SUPT3H: variants seen among roughly 807,000 people sequenced by gnomAD.
SUPT3H encodes transcription initiation protein SPT3 homolog.
In SUPT3H, 44 loss-of-function variants were observed where a neutral mutation model predicts 44.3. The ratio of observed to expected loss-of-function variants is 0.99; its 90% CI spans 0.78 to 1.28. The LOEUF is 1.28. Ranked by LOEUF, SUPT3H falls within the 50% of genes most tolerant of loss-of-function variation. SUPT3H has a pLI of 0.00. For missense variants in SUPT3H, 380 were observed against 387.1 expected (o/e 0.98, Z 0.15); for synonymous variants, 124 against 125.6 (o/e 0.99, Z 0.09).
intron 1 of SUPT3H, chr6:45,377,344 C>T (rs952137245): frequency 2.6e-5 from 4 of 152,194 alleles, no homozygotes; most frequent in Non-Finnish European, 5.9e-5. Flanking sequence ...TTTCCTCTTT[C>T]TGGATGCTAC....
intron 6 of SUPT3H, among the ~76,000 whole-genome samples, chr6:44,976,372 T>C (rs1021577527): frequency 3.9e-5 from 6 of 152,082 alleles, no homozygotes; most frequent in Admixed American, 6.6e-5. Context: ...GTCTTTTTTT[T>C]TTTTCTTGAG....
intron 10 of SUPT3H, among the ~76,000 whole-genome samples, chr6:44,851,556 A>G (rs932155219): frequency 1.3e-5 from 2 of 152,346 alleles, no homozygotes; most frequent in Non-Finnish European, 2.9e-5. Flanking sequence ...TTGAAGAGCC[A>G]TCATTGAGTT....
At chr6:45,014,685 G>C (rs1359979633) in intron 5 of SUPT3H, 116 bp downstream of exon 5, 2 of 574,298 alleles carry the variant, frequency 3.5e-6, no homozygotes, top group African/African-American at 3.9e-5. Context: ...CACTTGATTT[G>C]TTGACAGTAA....
At chr6:45,115,320 A>C (rs537740849) in intron 2 of SUPT3H, among the ~76,000 whole-genome samples, 2 of 152,200 alleles carry the variant, frequency 1.3e-5, no homozygotes, top group African/African-American at 4.8e-5. Flanking sequence ...AAAATTATCA[A>C]TATAAAATGG....
At chr6:44,954,652 G>A (rs770333048) in intron 7 of SUPT3H, 45 bp from the exon 8 acceptor site, 4 of 1,197,318 alleles carry the variant, frequency 3.3e-6, no homozygotes, top group Non-Finnish European at 5.0e-6. Flanking sequence ...AATTTTTAAA[G>A]TGTTTTAATA....
chr6:45,002,397 G>C (rs1228654756), intron 6 of SUPT3H, among the ~76,000 whole-genome samples: 2 of 151,754 alleles, frequency 1.3e-5, no homozygotes, highest in East Asian at 1.9e-4. Context: ...AAAGTTACCT[G>C]TTCAATTTTA....
intron 3 of SUPT3H, among the ~76,000 whole-genome samples, chr6:45,070,509 G>T (rs541887611): frequency 6.6e-6 from 1 of 151,954 alleles, no homozygotes; most frequent in South Asian, 2.1e-4. Flanking sequence ...TTTGGCAGAG[G>T]CAGACGGATC....
intron 10 of SUPT3H, among the ~76,000 whole-genome samples, chr6:44,850,645 G>T (rs796480638): frequency 4.9e-4 from 75 of 152,142 alleles, no homozygotes; most frequent in African/African-American, 1.4e-3. Flanking sequence ...AGTCTTGGAA[G>T]TTTATGACTG....
chr6:44,864,193 C>T (rs1272357734), intron 10 of SUPT3H, among the ~76,000 whole-genome samples: 1 of 152,180 alleles, frequency 6.6e-6, no homozygotes, highest in Non-Finnish European at 1.5e-5. Context: ...GTCTCTTCCG[C>T]CTATGAGCCT....
chr6:44,903,668 C>T (rs1391890752), intron 10 of SUPT3H, among the ~76,000 whole-genome samples: 3 of 152,136 alleles, frequency 2.0e-5, no homozygotes, highest in Non-Finnish European at 4.4e-5. Context: ...GGAATCCTCC[C>T]TAACTCATTT....
At chr6:44,958,793 T>C (rs902652556) in intron 7 of SUPT3H, among the ~76,000 whole-genome samples, 5 of 149,120 alleles carry the variant, frequency 3.4e-5, no homozygotes, top group African/African-American at 1.2e-4. Flanking sequence ...GAAAAAAAAA[T>C]GGGTGTTTTT....
chr6:45,355,881 T>A (rs1354386705), intron 2 of SUPT3H, among the ~76,000 whole-genome samples: 1 of 152,184 alleles, frequency 6.6e-6, no homozygotes, highest in Non-Finnish European at 1.5e-5. Flanking sequence ...TATTAATTGA[T>A]TGCCAGGCCA....
At chr6:44,944,586 C>T (rs1033594622) in intron 9 of SUPT3H, among the ~76,000 whole-genome samples, 183 of 150,964 alleles carry the variant, frequency 1.2e-3, no homozygotes, top group African/African-American at 4.1e-3. Flanking sequence ...CAGTGAAACC[C>T]TGTCTCTACA....
At chr6:45,288,422 T>C (rs12153922) in intron 2 of SUPT3H, among the ~76,000 whole-genome samples, 34,511 of 151,652 alleles carry the variant, frequency 0.23, 4,613 homozygotes, top group Non-Finnish European at 0.31. Context: ...ATAATAACTA[T>C]GCAATGCTGA....
At chr6:45,289,404 TAGAA>T (rs1320297478) in intron 2 of SUPT3H, among the ~76,000 whole-genome samples, 1 of 152,120 alleles carries the variant, frequency 6.6e-6, no homozygotes, top group Non-Finnish European at 1.5e-5. Flanking sequence ...ACTGAGGAAA[TAGAA>T]AGCCACCATC....
At chr6:44,857,593 T>G (rs940918600) in intron 10 of SUPT3H, among the ~76,000 whole-genome samples, 1 of 152,248 alleles carries the variant, frequency 6.6e-6, no homozygotes, top group African/African-American at 2.4e-5. Flanking sequence ...GCTATTATTA[T>G]GTAGCATTAT....
At chr6:45,331,104 GGT>G (rs143223149) in intron 2 of SUPT3H, among the ~76,000 whole-genome samples, 27,252 of 149,548 alleles carry the variant, frequency 0.18, 3,054 homozygotes, top group Non-Finnish European at 0.26. Context: ...TACAATGAGT[GGT>G]GTGTGTGTGT....
intron 2 of SUPT3H, among the ~76,000 whole-genome samples, chr6:45,177,026 A>AG (rs1160929714): frequency 2.0e-5 from 3 of 152,236 alleles, no homozygotes; most frequent in African/African-American, 7.2e-5. Context: ...CCTCCTCCAA[A>AG]GGAACGCAGT....
At chr6:45,058,250 C>T (rs1791444392) in intron 3 of SUPT3H, among the ~76,000 whole-genome samples, 1 of 152,066 alleles carries the variant, frequency 6.6e-6, no homozygotes, top group Non-Finnish European at 1.5e-5. Context: ...TCACACCAGA[C>T]TCTTAGTCCT....
Sources: allele counts gnomAD v4.1 joint callset (sites outside exome capture counted in the v4.1 genomes callset), GRCh38; gene constraint gnomAD v4.1.1; transcripts MANE v1.5; gene names NCBI Gene and HGNC (gene_info 2026-07-23, HGNC 2026-07-21).